PCID2: variants seen among roughly 807,000 people sequenced by gnomAD.
PCID2 encodes PCI domain containing 2.
A neutral mutation model predicts 61.3 loss-of-function variants in PCID2; 41 were observed. The ratio of observed to expected loss-of-function variants is 0.67; its 90% CI spans 0.52 to 0.87. PCID2 has a LOEUF of 0.87. Among genes scored for constraint, PCID2 ranks in the 40% least tolerant of loss-of-function variants. The pLI is 0.00. For synonymous variants in PCID2, 187 were observed against 177.8 expected, an observed-to-expected ratio of 1.05 and a Z score of -0.41; for missense variants, 392 against 493.4, an observed-to-expected ratio of 0.79 and a Z score of 1.95.
chr13:113,208,367 G>A (rs1320047747), intron 1 of PCID2: 7 of 1,432,982 alleles, frequency 4.9e-6, no homozygotes, highest in Admixed American at 2.8e-5. Context: ...ACGACTCCGC[G>A]ATCCACGGAC....
At chr13:113,183,101 C>T (rs2037794679) in intron 9 of PCID2, among the ~76,000 whole-genome samples, 1 of 152,078 alleles carries the variant, frequency 6.6e-6, no homozygotes, top group Non-Finnish European at 1.5e-5. Context: ...AAAATCTCTG[C>T]GAGCTACAAG....
In PCID2 at chr13:113,180,049, A is replaced by AG. The variant is rs577186176; in HGVS notation, c.861-8dup. 413 of 1,613,762 alleles carry AG rather than the reference A, an allele frequency of 2.6e-4. No individual in the cohort carries two copies. In the African/African-American group the frequency reaches 4.9e-3, roughly 19 times the overall value. The stretch of plus-strand genomic sequence containing the variant: ...CAGCAGCAGGTTGCCCTCGCTGGTG[A>AG]GGGGGGAGGCGCGTCAGAAGGAGGG... On this transcript the variant is annotated splice_region_variant and splice_polypyrimidine_tract_variant and intron_variant, in intron 11 of 13. Coordinates refer to ENST00000337344, the MANE Select transcript of PCID2 (RefSeq NM_001127202.4).
chr13:113,190,851 G>A (rs374819611), intron 7 of PCID2, 21 bp downstream of exon 7: 11 of 1,481,182 alleles, frequency 7.4e-6, no homozygotes, highest in Non-Finnish European at 1.0e-5. Flanking sequence ...TCTGGTGGTC[G>A]GTCCTCAAGT....
At chr13:113,185,652 G>T in intron 7 of PCID2, 92 bp from the exon 8 acceptor site, 1 of 781,320 alleles carries the variant, frequency 1.3e-6, no homozygotes, top group African/African-American at 1.8e-5. Context: ...TTAATATCTT[G>T]AGGTAAGTCC....
chr13:113,198,395 TACC>T, intron 2 of PCID2, 131 bp from the exon 3 acceptor site: 1 of 599,630 alleles, frequency 1.7e-6, no homozygotes, highest in Non-Finnish European at 2.9e-6. Flanking sequence ...ACTTTATATT[TACC>T]ACTCTAAATA....
At chr13:113,188,853 C>A (rs1047240665) in intron 7 of PCID2, among the ~76,000 whole-genome samples, 2 of 152,158 alleles carry the variant, frequency 1.3e-5, no homozygotes, top group African/African-American at 4.8e-5. Context: ...ATCCACAACA[C>A]CCAAAAGGAA....
At chr13:113,176,272 T>C (rs1329686464), downstream of PCID2, among the ~76,000 whole-genome samples, 2 of 152,272 alleles carry the variant, frequency 1.3e-5, no homozygotes, top group Non-Finnish European at 2.9e-5. Flanking sequence ...TCTTCTTTAG[T>C]AAATTTTTTA....
At chr13:113,168,433 C>G in the PCID2 span, among the ~76,000 whole-genome samples, 1 of 152,224 alleles carries the variant, frequency 6.6e-6, no homozygotes, top group Non-Finnish European at 1.5e-5. Flanking sequence ...GGCGCAGAGC[C>G]CCAGGCTGGC....
chr13:113,179,746 A>G lies in PCID2; in HGVS notation c.986+171T>C, dbSNP rs1428003419. 1.3e-5 allele frequency among the ~76,000 whole-genome samples: 2 copies of G among 152,156 alleles called. No homozygotes were observed. The highest frequency in any genetic ancestry group is 2.9e-5 in the Non-Finnish European group (2 of 68,022). On this transcript the variant is annotated intron_variant, in intron 12 of 13. Transcript: ENST00000337344. The surrounding 1 kb of genome is among the most constrained non-coding windows in gnomAD (Gnocchi z 4.3). ...CTTGTGCTACTCACGTGTCTCGCGC[A>G]GGGTCCCCAGGAGGCAGTGGGCGGA...
At chr13:113,174,517 C>T (rs1595133536), downstream of PCID2, among the ~76,000 whole-genome samples, 1 of 152,138 alleles carries the variant, frequency 6.6e-6, no homozygotes, top group South Asian at 2.1e-4. Flanking sequence ...TTTTTTGAGA[C>T]AGGGTCTCTG....
At chr13:113,200,696 CTTTTTT>C (rs998821979) in intron 1 of PCID2, 180 bp from the exon 2 acceptor site, 56 of 221,090 alleles carry the variant, frequency 2.5e-4, no homozygotes, top group South Asian at 3.0e-4. Context: ...ACAATAATTT[CTTTTTT>C]TTTTTTTTTT....
the PCID2 span, chr13:113,172,474 G>A: frequency 2.9e-6 from 1 of 340,070 alleles, no homozygotes; most frequent in African/African-American, 2.1e-5. Context: ...ACTGGTGAGT[G>A]TGTTCTGGTG....
At position 113,184,358 on chromosome 13, in the gene PCID2, C is replaced by A; in HGVS notation, c.673G>T (p.Asp225Tyr). The A allele has an allele frequency of 6.2e-7, 1 of 1,613,108 alleles. No homozygotes were observed. The highest frequency in any genetic ancestry group is 1.7e-5 in the Admixed American group (1 of 59,910). The change falls in exon 9 of 14, where the codon GAT becomes TAT. Residue 225 changes from aspartate (D) to tyrosine (Y), a missense_variant. By Grantham distance (160) the Asp-to-Tyr change is radical. Coordinates refer to ENST00000337344, the MANE Select transcript of PCID2 (RefSeq NM_001127202.4). ...YVGRKAMFDS[D>Y]FKQAEEYLSF... ...ATTAGCAACATACCTTGCTTAAAATCGCTGTCAAACATAGCCTTGCGTCCA... is the reference window on the plus strand; with the variant it reads ...ATTAGCAACATACCTTGCTTAAAATAGCTGTCAAACATAGCCTTGCGTCCA...
intron 7 of PCID2, among the ~76,000 whole-genome samples, chr13:113,189,708 A>G (rs945283436): frequency 8.9e-6 from 1 of 112,802 alleles, no homozygotes; most frequent in African/African-American, 3.3e-5. Flanking sequence ...ATTACCTAAA[A>G]TGAAGGAGAG....
intron 9 of PCID2, among the ~76,000 whole-genome samples, chr13:113,183,551 TCTATACAAGC>T (rs1323734968): frequency 2.0e-5 from 3 of 152,130 alleles, no homozygotes; most frequent in Non-Finnish European, 2.9e-5. Context: ...AAGGAAATGG[TCTATACAAGC>T]CTATAGAATA....
intron 9 of PCID2, among the ~76,000 whole-genome samples, chr13:113,182,753 G>A (rs1418416906): frequency 1.3e-5 from 2 of 152,148 alleles, no homozygotes; most frequent in African/African-American, 4.8e-5. Context: ...CTCCCAAAAT[G>A]CTGGGATTAC....
downstream of PCID2, among the ~76,000 whole-genome samples, chr13:113,177,291 C>A (rs2037215873): frequency 6.6e-6 from 1 of 152,258 alleles, no homozygotes; most frequent in East Asian, 1.9e-4. Context: ...GTATGCGCCA[C>A]CACGCCCGGC....
At chr13:113,194,228 G>C (rs189437845) in intron 6 of PCID2, among the ~76,000 whole-genome samples, 3 of 152,190 alleles carry the variant, frequency 2.0e-5, no homozygotes, top group Non-Finnish European at 2.9e-5. Context: ...ACTTCTTTGC[G>C]CCTGGCACTG....
chr13:113,178,265 G>A lies in PCID2; in HGVS notation c.1133C>T (p.Ser378Leu). ...GACCACCAGCTTCTGATGCTGATGC[G>A]ATATGTAGCCTTTGACGTGTCCCTG... ...IYMGHVKGYISHQHQKLVVSK... is the reference protein window; with the variant it reads ...IYMGHVKGYILHQHQKLVVSK... Residue 378 changes from serine to leucine, a missense_variant, in exon 14 of 14, where the codon TCG becomes TTG. Around this residue, in one of 3 missense-constraint regions of PCID2, gnomAD observed 226 missense variants for 296.5 expected, o/e 0.76. Transcript: ENST00000337344. 6.2e-7 allele frequency: 1 copy of A among 1,613,578 alleles called. No individual in the cohort carries two copies. Among genetic ancestry groups the A allele is most frequent in the Non-Finnish European group, 8.5e-7 (1 of 1,179,614 alleles).
Sources: gnomAD v4.1 joint callset for allele counts (sites outside exome capture counted in the v4.1 genomes callset) on GRCh38, gnomAD v4.1.1 for gene constraint, gnomAD v4.1.1 regional missense constraint, Gnocchi (gnomAD v3.1) non-coding constraint, MANE v1.5 for transcripts, NCBI Gene and HGNC (gene_info 2026-07-23, HGNC 2026-07-21) for gene names.